The following EFNA1 variants were observed in gnomAD, a reference collection of about 807,000 sequenced individuals.
EFNA1 encodes the protein ephrin A1.
A neutral mutation model predicts 23.2 loss-of-function variants in EFNA1; 8 were observed. That is an observed-to-expected ratio of 0.34 (90% CI 0.20 to 0.62). EFNA1 has a LOEUF of 0.62. Among genes scored for constraint, EFNA1 ranks in the 20% least tolerant of loss-of-function variants. The probability of loss-of-function intolerance (pLI) is 0.75; values close to 1 mark genes in which losing one functional copy is unlikely to be tolerated. For missense variants in EFNA1, 217 were observed against 260.0 expected (o/e 0.83, Z 1.14); for synonymous variants, 89 against 98.6 (o/e 0.90, Z 0.58).
chr1:155,131,792 T>C (rs187987580), intron 2 of EFNA1, among the ~76,000 whole-genome samples, 158 bp downstream of exon 2: 1 of 152,334 alleles, frequency 6.6e-6, no homozygotes, highest in Non-Finnish European at 1.5e-5. Flanking sequence ...GCTTCTACTA[T>C]GTGCTGGGCA....
intron 1 of EFNA1, chr1:155,130,460 G>T: frequency 1.0e-6 from 1 of 965,340 alleles, no homozygotes; most frequent in Non-Finnish European, 1.2e-6. Context: ...GCTCCACCTT[G>T]GGAGGAGGGG....
chr1:155,130,494 AGGAGAGAGGGGAGAGAGGGGAGAGG>A (rs1000929021), intron 1 of EFNA1: 40 of 956,380 alleles, frequency 4.2e-5, no homozygotes, highest in Non-Finnish European at 4.9e-5. Context: ...GGGGGAGAGG[AGGAGAGAGGGGAGAGAGGGGAGAGG>A]GGAGAGGCTG....
chr1:155,131,634 T>C lies in EFNA1; in HGVS notation c.388T>C (p.Ser130Pro). Residue 130 changes from serine to proline, a missense_variant and splice_region_variant, in exon 2 of 5, where the codon TCC (serine) becomes CCC (proline). Coordinates refer to ENST00000368407, the MANE Select transcript of EFNA1 (RefSeq NM_004428.3). ...FKEGHSYYYI[S>P]KPIHQHEDRC... is the part of the protein sequence containing the mutation. ...AGAAGGACACAGCTACTACTACATC[T>C]GTGAGTGCCTGTGAGGGGACAGTGT... 1 of 1,606,910 alleles carries C rather than the reference T, an allele frequency of 6.2e-7. No individual in the cohort carries two copies. The highest frequency in any genetic ancestry group is 8.5e-7 in the Non-Finnish European group (1 of 1,174,104).
chr1:155,132,452 TGG>T, intron 2 of EFNA1, among the ~76,000 whole-genome samples: 1 of 151,862 alleles, frequency 6.6e-6, no homozygotes, highest in South Asian at 2.1e-4. Flanking sequence ...TTCACCATGT[TGG>T]TCAGACTGGT....
intron 1 of EFNA1, chr1:155,130,718 T>TA: frequency 1.3e-5 from 13 of 985,174 alleles, no homozygotes; most frequent in Non-Finnish European, 1.6e-5. Context: ...TGATTTAACT[T>TA]AAAGGACTGG....
intron 2 of EFNA1, among the ~76,000 whole-genome samples, chr1:155,132,467 C>T (rs1385415063): frequency 6.6e-6 from 1 of 151,516 alleles, no homozygotes; most frequent in Non-Finnish European, 1.5e-5. Context: ...AGACTGGTCT[C>T]GAACTCCTGA....
At chr1:155,130,885 G>T in intron 1 of EFNA1, 1 of 985,352 alleles carries the variant, frequency 1.0e-6, no homozygotes, top group Non-Finnish European at 1.2e-6. Context: ...ATGGTAAAGA[G>T]AAAGGGTTTC....
chr1:155,133,810 G>A (rs1664302249), intron 4 of EFNA1, 30 bp downstream of exon 4: 1 of 1,613,826 alleles, frequency 6.2e-7, no homozygotes, highest in Non-Finnish European at 8.5e-7. Context: ...TGGGCCTGGG[G>A]CACAGGAAGG....
chr1:155,129,007 C>T (rs995991789), intron 1 of EFNA1, among the ~76,000 whole-genome samples: 4 of 152,202 alleles, frequency 2.6e-5, no homozygotes, highest in Non-Finnish European at 5.9e-5. Flanking sequence ...CAAGCTTGCC[C>T]CCCACTCCCC....
rs377221471 is a variant in EFNA1 at position 155,133,947 on chromosome 1, C to T, written c.506-8C>T. 1.2e-6 allele frequency: 2 copies of T among 1,613,774 alleles called. No homozygotes were observed. The highest frequency in any genetic ancestry group is 2.7e-5 in the African/African-American group (2 of 75,034). The stretch of plus-strand genomic sequence containing the variant: ...CACACTGGTGGCCTTTGCCCTCTCA[C>T]CTTGCAGATGACCCAGAGGTGCGGG... On this transcript the variant is annotated splice_region_variant and splice_polypyrimidine_tract_variant and intron_variant, in intron 4 of 4. Transcript: ENST00000368407.
At chr1:155,131,819 G>A (rs1264673404) in intron 2 of EFNA1, among the ~76,000 whole-genome samples, 185 bp downstream of exon 2, 1 of 152,120 alleles carries the variant, frequency 6.6e-6, no homozygotes, top group African/African-American at 2.4e-5. Flanking sequence ...TTAGCGCTAT[G>A]AGCACAAAGA....
intron 4 of EFNA1, 76 bp from the exon 5 acceptor site, chr1:155,133,879 G>T: frequency 6.2e-7 from 1 of 1,604,534 alleles, no homozygotes; most frequent in African/African-American, 1.3e-5. Flanking sequence ...GAGGCTGAGG[G>T]AATCCTGTTG....
intron 1 of EFNA1, chr1:155,129,512 G>GCC (rs1394278130): frequency 1.8e-5 from 2 of 111,062 alleles, no homozygotes; most frequent in African/African-American, 7.8e-5. Flanking sequence ...TGACCCTCTG[G>GCC]CCACACACAC....
In EFNA1 at chr1:155,131,806, T is replaced by G. The variant is rs538624792; in HGVS notation, c.388+172T>G. On this transcript the variant is annotated intron_variant, in intron 2 of 4. Transcript: ENST00000368407. Reference sequence around the variant, plus strand: ...AGCTTCTACTATGTGCTGGGCACTCTGTTTAGCGCTATGAGCACAAAGATA... The same window carrying G: ...AGCTTCTACTATGTGCTGGGCACTCGGTTTAGCGCTATGAGCACAAAGATA... Among the ~76,000 whole-genome samples the G allele has an allele frequency of 2.6e-5, 4 of 152,336 alleles. No individual in the cohort carries two copies. In the South Asian group the frequency reaches 8.3e-4, roughly 32 times the overall value.
chr1:155,130,275 T>C (rs1388180587), intron 1 of EFNA1, among the ~76,000 whole-genome samples: 9 of 152,160 alleles, frequency 5.9e-5, no homozygotes, highest in Non-Finnish European at 1.3e-4. Context: ...TAGCTGGCAG[T>C]GCCTGGGGGA....
At chr1:155,133,459 C>A (rs1664283707) in intron 2 of EFNA1, 44 bp from the exon 3 acceptor site, 1 of 1,609,782 alleles carries the variant, frequency 6.2e-7, no homozygotes. Context: ...ACATTTTCTT[C>A]CAGCAAAGGT....
intron 1 of EFNA1, chr1:155,130,428 A>C: frequency 2.5e-5 from 19 of 769,914 alleles, no homozygotes; most frequent in Non-Finnish European, 2.8e-5. Context: ...GCCAGGGGGA[A>C]TGAACTAGGG....
rs766284771 is a variant in EFNA1, at chr1:155,127,939, A to G, written c.-39A>G. 1 of 1,545,272 alleles carries G rather than the reference A, an allele frequency of 6.5e-7. No homozygotes were observed. Among genetic ancestry groups the G allele is most frequent in the South Asian group, 1.1e-5 (1 of 89,366 alleles). The stretch of plus-strand genomic sequence containing the variant: ...GCCAGTGGGAACCCAGACCCATAGG[A>G]GACCCGCGTCCCCGCTCGGCCTGGC... On this transcript the variant is annotated 5_prime_UTR_variant, in exon 1 of 5. Transcript: ENST00000368407. The surrounding 1 kb of genome is among the most constrained non-coding windows in gnomAD (Gnocchi z 4.4).
chr1:155,130,783 T>C, intron 1 of EFNA1: 1 of 983,850 alleles, frequency 1.0e-6, no homozygotes, highest in Non-Finnish European at 1.2e-6. Flanking sequence ...AAAGTGAAGC[T>C]GGGAAATGTG....
Sources: gnomAD v4.1 joint callset for allele counts (sites outside exome capture counted in the v4.1 genomes callset) on GRCh38, gnomAD v4.1.1 for gene constraint, Gnocchi (gnomAD v3.1) non-coding constraint, MANE v1.5 for transcripts, NCBI Gene and HGNC (gene_info 2026-07-23, HGNC 2026-07-21) for gene names.